The following AHNAK2 variants were observed in gnomAD, a reference collection of about 807,000 sequenced individuals.
The protein encoded by AHNAK2 is protein AHNAK2.
In AHNAK2, 18 loss-of-function variants were observed where a neutral mutation model predicts 30.7. The observed-to-expected ratio is 0.59, with a 90% CI of 0.41 to 0.87. AHNAK2 has a LOEUF of 0.87. Among genes scored for constraint, AHNAK2 ranks in the 40% least tolerant of loss-of-function variants. The pLI is 0.00. For missense variants in AHNAK2, 8,604 were observed against 7,373.0 expected (o/e 1.17, Z -6.11); for synonymous variants, 3,590 against 3,073.8 (o/e 1.17, Z -5.56).
Position 104,944,314 on chromosome 14 carries a change from C to T in AHNAK2, c.11137G>A (p.Glu3713Lys), listed in dbSNP as rs371645188. The change falls in exon 7 of 7, where the codon GAG becomes AAG. Residue 3713 changes from glutamate (E) to lysine (K), a missense_variant. Transcript: ENST00000333244. The part of the protein sequence containing the change: ...DVKLPEGQVP[E>K]GAGLKEHLPK... ...AGGTGCTCTTTGAGGCCGGCTCCCTCGGGCACCTGGCCCTCCGGGAGCTTC... is the reference window on the plus strand; with the variant it reads ...AGGTGCTCTTTGAGGCCGGCTCCCTTGGGCACCTGGCCCTCCGGGAGCTTC... The T allele has an allele frequency of 8.2e-4, 1,324 of 1,612,976 alleles. 25 individuals carry two copies. In the South Asian group the frequency reaches 0.012, roughly 15 times the overall value.
At chr14:104,959,266 A>G (rs1899066373) in intron 1 of AHNAK2, among the ~76,000 whole-genome samples, 1 of 152,184 alleles carries the variant, frequency 6.6e-6, no homozygotes, top group African/African-American at 2.4e-5. Flanking sequence ...TCCGCCTCCC[A>G]GGTTCAAGTG....
Position 104,942,593 on chromosome 14 carries a change from T to G in AHNAK2, c.12858A>C (p.Leu4286=), listed in dbSNP as rs137933016. The G allele has an allele frequency of 6.2e-7, 1 of 1,607,266 alleles. No homozygotes were observed. The highest frequency in any genetic ancestry group is 1.1e-5 in the South Asian group (1 of 90,744). ...CTTTGGCAGTCATGTCCTTGTCGGC[T>G]AGGGACAGGTCACCCTCCAGCCGCA... ...DSVRLEGDLS[L]ADKDMTAKDS... Residue 4286 remains leucine, a synonymous_variant, in exon 7 of 7, where the codon CTA becomes CTC. Transcript: ENST00000333244.
intron 1 of AHNAK2, among the ~76,000 whole-genome samples, chr14:104,977,580 C>G (rs1899626508): frequency 6.6e-6 from 1 of 152,194 alleles, no homozygotes; most frequent in Admixed American, 6.5e-5. Context: ...ACAGCCTCCA[C>G]CTAGCCAGCG....
chr14:104,944,541 T>C lies in AHNAK2; in HGVS notation c.10910A>G (p.Lys3637Arg). The change falls in exon 7 of 7, where the codon AAG becomes AGG. Residue 3637 changes from lysine (K) to arginine (R), a missense_variant. Lys to Arg is a conservative substitution (Grantham distance 26). Coordinates refer to ENST00000333244, the MANE Select transcript of AHNAK2 (RefSeq NM_138420.4). ...ADKDVTAKDSKFKMPKFKMPS... is the reference protein window; with the variant it reads ...ADKDVTAKDSRFKMPKFKMPS... ...CATCTTGAATTTGGGCATTTTGAAC[T>C]TGCTGTCTTTGGCAGTCACGTCCTT... 6.2e-7 allele frequency: 1 copy of C among 1,613,058 alleles called. No individual in the cohort carries two copies. Among genetic ancestry groups the C allele is most frequent in the Non-Finnish European group, 8.5e-7 (1 of 1,179,586 alleles).
rs750339412 is a variant in AHNAK2, at chr14:104,951,573, C to T, written c.3878G>A (p.Ser1293Asn). 1.6e-6 allele frequency: 2 copies of T among 1,248,442 alleles called. 1 individual carries two copies. Among genetic ancestry groups the T allele is most frequent in the Non-Finnish European group, 2.3e-6 (2 of 881,332 alleles). The allele number at this position is 1,248,442 out of a possible 1,614,324, so 77.3% of individuals were successfully genotyped here. A position where few individuals can be genotyped will look rare whatever the true frequency, so the allele number is the denominator to read the frequency against. The change falls in exon 7 of 7, where the codon AGT becomes AAT. Residue 1293 changes from serine (S) to asparagine (N), a missense_variant. Coordinates refer to ENST00000333244, the MANE Select transcript of AHNAK2 (RefSeq NM_138420.4). ...TAHEVAVSLPSVEVDMQAPGA... is the reference protein window; with the variant it reads ...TAHEVAVSLPNVEVDMQAPGA... ...CGGGGCCTGCATGTCCACCTCCACA[C>T]TGGGCAGAGACACAGCCACTTCGTG...
chr14:104,947,730 A>G lies in AHNAK2; in HGVS notation c.7721T>C (p.Phe2574Ser). The G allele has an allele frequency of 6.2e-7, 1 of 1,612,204 alleles. No individual in the cohort carries two copies. The highest frequency in any genetic ancestry group is 8.5e-7 in the Non-Finnish European group (1 of 1,179,450). The change falls in exon 7 of 7, where the codon TTC becomes TCC. Residue 2574 changes from phenylalanine to serine, a missense_variant. Physicochemically the swap from Phe to Ser is radical, Grantham distance 155. Transcript: ENST00000333244. ...GHLPKVQMPS[F>S]KMPEMDLKGP... The stretch of plus-strand genomic sequence containing the variant: ...CTTGAGGTCCATTTCAGGCATCTTG[A>G]AACTGGGCATCTGCACCTTGGGCAG...
rs772979015 is a variant in AHNAK2 at position 104,947,977 on chromosome 14, A to C, written c.7474T>G (p.Ser2492Ala). Reference sequence around the variant, plus strand: ...TTGCCTGGGGCAGACACCCCGAATGACGGCATCTTGAACTTGGGAATTTTG... The same window carrying C: ...TTGCCTGGGGCAGACACCCCGAATGCCGGCATCTTGAACTTGGGAATTTTG... ...RFKIPKFKMP[S>A]FGVSAPGKSI... is the part of the protein sequence containing the mutation. Residue 2492 changes from serine (S) to alanine (A), a missense_variant, in exon 7 of 7, where the codon TCA becomes GCA. Physicochemically the swap from Ser to Ala is moderately conservative, Grantham distance 99. Transcript: ENST00000333244. 10 of 1,612,216 alleles carry C rather than the reference A, an allele frequency of 6.2e-6. No homozygotes were observed. The South Asian group carries it at 9.9e-5, about 16-fold the overall frequency.
chr14:104,962,098 A>C (rs1899164106), intron 1 of AHNAK2, among the ~76,000 whole-genome samples: 1 of 152,236 alleles, frequency 6.6e-6, no homozygotes, highest in South Asian at 2.1e-4. Context: ...CACTCTTAGG[A>C]AATGATAACC....
chr14:104,967,286 G>T (rs2140880121), intron 1 of AHNAK2, among the ~76,000 whole-genome samples: 1 of 152,274 alleles, frequency 6.6e-6, no homozygotes, highest in Admixed American at 6.5e-5. Context: ...TGAGGCCCAA[G>T]AAAGGGTCAG....
Position 104,944,529 on chromosome 14 carries a change from G to C in AHNAK2, c.10922C>G (p.Pro3641Arg). 1 of 1,613,030 alleles carries C rather than the reference G, an allele frequency of 6.2e-7. No individual in the cohort carries two copies. Reference sequence around the variant, plus strand: ...CCTGAATGACGGCATCTTGAATTTGGGCATTTTGAACTTGCTGTCTTTGGC... The same window carrying C: ...CCTGAATGACGGCATCTTGAATTTGCGCATTTTGAACTTGCTGTCTTTGGC... Reference protein sequence around the residue: ...VTAKDSKFKMPKFKMPSFRVS... With the variant: ...VTAKDSKFKMRKFKMPSFRVS... The change falls in exon 7 of 7, where the codon CCC (proline) becomes CGC (arginine). Residue 3641 changes from proline (P) to arginine (R), a missense_variant. Coordinates refer to ENST00000333244, the MANE Select transcript of AHNAK2 (RefSeq NM_138420.4).
In AHNAK2 at chr14:104,951,985, C is replaced by G. The variant is rs529173876; in HGVS notation, c.3466G>C (p.Val1156Leu). 2 of 1,612,472 alleles carry G rather than the reference C, an allele frequency of 1.2e-6. No homozygotes were observed. Among genetic ancestry groups the G allele is most frequent in the Admixed American group, 3.3e-5 (2 of 59,894 alleles). The change falls in exon 7 of 7, where the codon GTG becomes CTG. Residue 1156 changes from valine (V) to leucine (L), a missense_variant. By Grantham distance (32) the Val-to-Leu change is conservative. Coordinates refer to ENST00000333244, the MANE Select transcript of AHNAK2 (RefSeq NM_138420.4). Reference sequence around the variant, plus strand: ...TTGAACCTGCTGTCTTTGGCAGTCACATCCTTGTCGGCCAGGGACAGTTCC... The same window carrying G: ...TTGAACCTGCTGTCTTTGGCAGTCAGATCCTTGTCGGCCAGGGACAGTTCC... ...EGELSLADKD[V>L]TAKDSRFKMP... is the part of the protein sequence containing the mutation.
intron 1 of AHNAK2, chr14:104,970,431 G>T (rs1386565392): frequency 4.1e-6 from 4 of 985,460 alleles, no homozygotes; most frequent in Non-Finnish European, 4.8e-6. Flanking sequence ...GCAGGTGTCC[G>T]GACATGGACA....
In AHNAK2 at chr14:104,946,343, C is replaced by T. The variant is rs2140838064; in HGVS notation, c.9108G>A (p.Glu3036=). 1 of 1,612,446 alleles carries T rather than the reference C, an allele frequency of 6.2e-7. No individual in the cohort carries two copies. The highest frequency in any genetic ancestry group is 2.2e-5 in the East Asian group (1 of 44,714). The change falls in exon 7 of 7, where the codon GAG becomes GAA. Residue 3036 remains glutamate, a synonymous_variant. Transcript: ENST00000333244. Reference sequence around the variant, plus strand: ...TCAGGTCCACCTGGCCAGCCTGGACCTCCAGTTGGGCAGAGGGGGGCTCAA... The same window carrying T: ...TCAGGTCCACCTGGCCAGCCTGGACTTCCAGTTGGGCAGAGGGGGGCTCAA... ...ISIEPPSAQL[E]VQAGQVDLKL...
At position 104,946,904 on chromosome 14, in the gene AHNAK2, G is replaced by T; in HGVS notation, c.8547C>A (p.Phe2849Leu). The part of the protein sequence containing the change: ...SELKVEADGS[F>L]PSMQGDLKTT... ...TCTTAAGATCCCCTTGCATGGAGGG[G>T]AAGCTCCCGTCAGCTTCCACCTTCA... is the stretch of plus-strand genomic sequence containing the variant. The change falls in exon 7 of 7, where the codon TTC (phenylalanine) becomes TTA (leucine). Residue 2849 changes from phenylalanine to leucine, a missense_variant. Physicochemically the swap from Phe to Leu is conservative, Grantham distance 22. Coordinates refer to ENST00000333244, the MANE Select transcript of AHNAK2 (RefSeq NM_138420.4). 6.2e-7 allele frequency: 1 copy of T among 1,612,620 alleles called. No homozygotes were observed. The highest frequency in any genetic ancestry group is 8.5e-7 in the Non-Finnish European group (1 of 1,179,694).
rs201573476 is a variant in AHNAK2, at chr14:104,952,043, C to A, written c.3408G>T (p.Pro1136=). The A allele has an allele frequency of 1.2e-6, 2 of 1,611,850 alleles. No individual in the cohort carries two copies. Among genetic ancestry groups the A allele is most frequent in the East Asian group, 4.5e-5 (2 of 44,746 alleles). ...LPSVEVDVEA[P]GAKLDSARLE... is the part of the protein sequence containing the mutation. ...GCCGCGCACTGTCCAGCTTGGCTCCCGGGGCCTCGACGTCCACCTCCACGC... is the reference window on the plus strand; with the variant it reads ...GCCGCGCACTGTCCAGCTTGGCTCCAGGGGCCTCGACGTCCACCTCCACGC... Residue 1136 remains proline (P), a synonymous_variant, in exon 7 of 7, where the codon CCG becomes CCT. Transcript: ENST00000333244.
rs1898287378 is a variant in AHNAK2, at chr14:104,946,634, C to G, written c.8817G>C (p.Val2939=). Residue 2939 remains valine, a synonymous_variant, in exon 7 of 7, where the codon GTG becomes GTC. Transcript: ENST00000333244. ...KAEVTAPDVE[V]SLPSVEVDVE... ...CGTCCACCTCCACGCTGGGCAGAGA[C>G]ACCTCCACGTCGGGGGCCGTCACCT... 14 of 1,612,688 alleles carry G rather than the reference C, an allele frequency of 8.7e-6. No homozygotes were observed. The highest frequency in any genetic ancestry group is 9.3e-6 in the Non-Finnish European group (11 of 1,179,680).
In AHNAK2 at chr14:104,949,339, T is replaced by G. The variant is rs751280153; in HGVS notation, c.6112A>C (p.Ile2038Leu). The G allele has an allele frequency of 6.6e-7, 1 of 1,515,298 alleles. No homozygotes were observed. The allele number at this position is 1,515,298 out of a possible 1,614,324, so 93.9% of individuals were successfully genotyped here. A position where few individuals can be genotyped will look rare whatever the true frequency, so the allele number is the denominator to read the frequency against. Reference sequence around the variant, plus strand: ...TTCAGGTCGGCAGAAGGGGGCTGAATGCTGAGGTCAGTGGTCTTCAGGTCC... The same window carrying G: ...TTCAGGTCGGCAGAAGGGGGCTGAAGGCTGAGGTCAGTGGTCTTCAGGTCC... ...QGDLKTTDLS[I>L]QPPSADLKVQ... Residue 2038 changes from isoleucine (I) to leucine (L), a missense_variant, in exon 7 of 7, where the codon ATT becomes CTT. Ile to Leu is a conservative substitution (Grantham distance 5). Coordinates refer to ENST00000333244, the MANE Select transcript of AHNAK2 (RefSeq NM_138420.4).
rs147927870 is a variant in AHNAK2, at chr14:104,965,942, C to A, written c.56-8270G>T. Among the ~76,000 whole-genome samples the A allele has an allele frequency of 8.8e-3, 1,341 of 152,296 alleles. 18 individuals are homozygous for A. Among genetic ancestry groups the A allele is most frequent in the African/African-American group, 0.031 (1,289 of 41,552 alleles). ...GTTGCTGGGCTACAGACACTGCTCC[C>A]GCAGAGGCACCCCCAGGGCCATGCC... is the stretch of plus-strand genomic sequence containing the variant. On this transcript the variant is annotated intron_variant, in intron 1 of 6. Coordinates refer to ENST00000333244, the MANE Select transcript of AHNAK2 (RefSeq NM_138420.4).
chr14:104,970,982 C>T (rs1899457725), intron 1 of AHNAK2, among the ~76,000 whole-genome samples: 1 of 152,108 alleles, frequency 6.6e-6, no homozygotes, highest in Non-Finnish European at 1.5e-5. Context: ...GACCTTGGGG[C>T]CTGGTCATCT....
Sources: gnomAD v4.1 joint callset for allele counts (sites outside exome capture counted in the v4.1 genomes callset) on GRCh38, gnomAD v4.1.1 for gene constraint, MANE v1.5 for transcripts, NCBI Gene and HGNC (gene_info 2026-07-23, HGNC 2026-07-21) for gene names.